Variants in GRM8 observed in about 807,000 individuals in gnomAD.
GRM8 encodes the protein metabotropic glutamate receptor 8.
GRM8 carries 47 observed loss-of-function variants against 87.2 expected under a neutral mutation model. The ratio of observed to expected loss-of-function variants is 0.54; its 90% confidence interval spans 0.43 to 0.69. The LOEUF (loss-of-function observed/expected upper bound fraction) is 0.69. Ranked by LOEUF, GRM8 falls within the 30% of genes least tolerant of loss-of-function variation. The pLI is 0.00. For missense variants in GRM8, 1,019 were observed against 1,139.2 expected, an observed-to-expected ratio of 0.89 and a Z score of 1.52; for synonymous variants, 396 against 404.5, an observed-to-expected ratio of 0.98 and a Z score of 0.25.
chr7:126,704,739 G>A (rs959185176), intron 7 of GRM8, among the ~76,000 whole-genome samples: 1 of 152,084 alleles, frequency 6.6e-6, no homozygotes, highest in Non-Finnish European at 1.5e-5. Flanking sequence ...AGGCTTATTA[G>A]GAAGAGGAAA....
At chr7:126,838,874 T>G (rs1035331129) in intron 6 of GRM8, among the ~76,000 whole-genome samples, 2 of 152,158 alleles carry the variant, frequency 1.3e-5, no homozygotes. Context: ...TAGTCTTAAA[T>G]TATTGGAGGA....
intron 3 of GRM8, among the ~76,000 whole-genome samples, chr7:127,017,803 A>G (rs375888463): frequency 2.0e-5 from 3 of 152,232 alleles, no homozygotes; most frequent in East Asian, 3.9e-4. Flanking sequence ...CAGGGACAGA[A>G]AAATAGAAAT....
intron 3 of GRM8, among the ~76,000 whole-genome samples, chr7:127,104,194 T>C (rs959187158): frequency 4.6e-5 from 7 of 152,170 alleles, no homozygotes; most frequent in Admixed American, 2.6e-4. Context: ...TGGGGAAATA[T>C]ACAATTTTAT....
intron 8 of GRM8, among the ~76,000 whole-genome samples, chr7:126,537,891 A>G (rs759527527): frequency 6.6e-6 from 1 of 152,224 alleles, no homozygotes; most frequent in Non-Finnish European, 1.5e-5. Flanking sequence ...TTATTGCTAT[A>G]TTAACAAATT....
At chr7:126,832,192 G>T (rs1039037123) in intron 6 of GRM8, among the ~76,000 whole-genome samples, 4 of 148,108 alleles carry the variant, frequency 2.7e-5, no homozygotes, top group Admixed American at 1.4e-4. Context: ...AAAAGAAAAA[G>T]AAAAGATAAA....
At chr7:126,954,009 A>T (rs559401858) in intron 3 of GRM8, among the ~76,000 whole-genome samples, 1 of 152,270 alleles carries the variant, frequency 6.6e-6, no homozygotes, top group Admixed American at 6.5e-5. Flanking sequence ...TCTTGTTTCT[A>T]CCAAACGAGA....
intron 7 of GRM8, among the ~76,000 whole-genome samples, chr7:126,708,700 G>C (rs1266421033): frequency 6.6e-6 from 1 of 151,804 alleles, no homozygotes; most frequent in Non-Finnish European, 1.5e-5. Context: ...AGTGAAATAA[G>C]GCAGGCACAA....
At chr7:127,090,241 C>A (rs1823924442) in intron 3 of GRM8, among the ~76,000 whole-genome samples, 1 of 152,218 alleles carries the variant, frequency 6.6e-6, no homozygotes, top group Non-Finnish European at 1.5e-5. Context: ...CAAATCAAAT[C>A]CCTTCAAAGG....
At chr7:126,642,337 T>G (rs769825163) in intron 7 of GRM8, among the ~76,000 whole-genome samples, 2 of 152,102 alleles carry the variant, frequency 1.3e-5, no homozygotes, top group Non-Finnish European at 2.9e-5. Context: ...TAAAATGTCA[T>G]CAAAAAAGAT....
At chr7:126,806,136 C>T (rs181469768) in intron 6 of GRM8, among the ~76,000 whole-genome samples, 31 of 152,252 alleles carry the variant, frequency 2.0e-4, no homozygotes, top group Middle Eastern at 3.4e-3. Context: ...ATGGTGCACC[C>T]GGAGTTTGTT....
chr7:126,572,989 T>G (rs547751841), intron 8 of GRM8, among the ~76,000 whole-genome samples: 4 of 152,292 alleles, frequency 2.6e-5, no homozygotes, highest in African/African-American at 9.6e-5. Context: ...AACATTAAAA[T>G]TTTTTAAATC....
intron 6 of GRM8, among the ~76,000 whole-genome samples, chr7:126,859,030 A>G (rs772383818): frequency 2.0e-5 from 3 of 150,154 alleles, no homozygotes; most frequent in East Asian, 2.0e-4. Context: ...CCAGACCACC[A>G]CATGATAAAA....
chr7:126,851,187 A>G (rs1797179365), intron 6 of GRM8, among the ~76,000 whole-genome samples: 1 of 152,086 alleles, frequency 6.6e-6, no homozygotes, highest in Admixed American at 6.5e-5. Flanking sequence ...TTTATCTATC[A>G]TACATCTGAT....
rs540328335 is a variant in GRM8, at chr7:127,138,015, A to G, written c.511-31303T>C. Among the ~76,000 whole-genome samples, 143 of 152,266 alleles carry G rather than the reference A, an allele frequency of 9.4e-4. 2 individuals carry two copies. Among genetic ancestry groups the G allele is most frequent in the African/African-American group, 3.4e-3 (140 of 41,516 alleles). On this transcript the variant is annotated intron_variant, in intron 2 of 10. Transcript: ENST00000339582. ...AGATTACAGCAGCCTGTTTGCCACA[A>G]ATCAGATATTTACTTTCTCCCTCTC...
At chr7:126,648,093 C>T (rs1803374525) in intron 7 of GRM8, among the ~76,000 whole-genome samples, 1 of 152,110 alleles carries the variant, frequency 6.6e-6, no homozygotes, top group Non-Finnish European at 1.5e-5. Context: ...AACCGATAGG[C>T]TTTTCTGTTT....
chr7:126,953,413 G>C (rs17863168), intron 3 of GRM8, among the ~76,000 whole-genome samples: 2 of 152,058 alleles, frequency 1.3e-5, no homozygotes, highest in Admixed American at 1.3e-4. Context: ...GCCTTAAAAA[G>C]CTTTTGTCAT....
At chr7:127,013,495 T>C (rs1815095542) in intron 3 of GRM8, among the ~76,000 whole-genome samples, 1 of 132,012 alleles carries the variant, frequency 7.6e-6, no homozygotes, top group Admixed American at 8.4e-5. Flanking sequence ...AACAGGAGTG[T>C]CCTGGCTAAC....
chr7:127,038,442 G>A (rs943454436), intron 3 of GRM8, among the ~76,000 whole-genome samples: 2 of 152,028 alleles, frequency 1.3e-5, no homozygotes, highest in Non-Finnish European at 2.9e-5. Context: ...TTGGTGAAAG[G>A]ACATTCCAGT....
chr7:126,925,707 A>G (rs1257689453), intron 3 of GRM8, among the ~76,000 whole-genome samples: 1 of 152,198 alleles, frequency 6.6e-6, no homozygotes, highest in African/African-American at 2.4e-5. Flanking sequence ...CAGAAAGAAC[A>G]TTTGATTTTG....
Sources: gnomAD v4.1 joint callset for allele counts (sites outside exome capture counted in the v4.1 genomes callset) on GRCh38, gnomAD v4.1.1 for gene constraint, MANE v1.5 for transcripts, NCBI Gene and HGNC (gene_info 2026-07-23, HGNC 2026-07-21) for gene names.